The following PITRM1 variants were observed in gnomAD, a reference collection of about 807,000 sequenced individuals.
The protein encoded by PITRM1 is pitrilysin metallopeptidase 1, also known as presequence protease, mitochondrial.
In PITRM1, 100 loss-of-function variants were observed where a neutral mutation model predicts 129.9. The observed-to-expected ratio is 0.77, with a 90% CI of 0.65 to 0.91. The LOEUF is 0.91. Ranked by LOEUF, PITRM1 falls within the 40% of genes least tolerant of loss-of-function variation. The pLI, the probability that PITRM1 is intolerant of heterozygous loss-of-function variation, is 0.00. For synonymous variants in PITRM1, 591 were observed against 508.8 expected (o/e 1.16, Z -2.17); for missense variants, 1,471 against 1,318.3 (o/e 1.12, Z -1.79).
At chr10:3,172,224 C>A (rs1843438516) in intron 1 of PITRM1, 1 of 457,348 alleles carries the variant, frequency 2.2e-6, no homozygotes, top group African/African-American at 2.0e-5. Flanking sequence ...GAACACTAAA[C>A]TGCTTCGTCA....
chr10:3,165,282 A>G lies in PITRM1; in HGVS notation c.586T>C (p.Leu196=). 6.3e-7 allele frequency: 1 copy of G among 1,586,420 alleles called. No individual in the cohort carries two copies. The highest frequency in any genetic ancestry group is 1.8e-5 in the Admixed American group (1 of 55,596). Residue 196 remains leucine, a synonymous_variant, in exon 6 of 27, where the codon TTG becomes CTG. Transcript: ENST00000224949. ...TTAAAGACGACTCCTTTAAAGACCA[A>G]GGGCGTCTGGGGGTCGCTCGGATTC... ...HENPSDPQTP[L]VFKGVVFNEM...
At position 3,166,298 on chromosome 10, in the gene PITRM1, A is replaced by G; in HGVS notation, c.349T>C (p.Tyr117His). 1 of 1,613,394 alleles carries G rather than the reference A, an allele frequency of 6.2e-7. No homozygotes were observed. The highest frequency in any genetic ancestry group is 8.5e-7 in the Non-Finnish European group (1 of 1,179,350). Residue 117 changes from tyrosine (Y) to histidine (H), a missense_variant, in exon 4 of 27, where the codon TAT becomes CAT. Coordinates refer to ENST00000224949, the MANE Select transcript of PITRM1 (RefSeq NM_014889.4). Reference protein sequence around the residue: ...EHTVLCGSQKYPCRDPFFKML... With the variant: ...EHTVLCGSQKHPCRDPFFKML... ...TTGAAGAAAGGGTCTCTGCACGGAT[A>G]TTTCTGAGACCCACAAAGGACGGTA...
intron 13 of PITRM1, 141 bp from the exon 14 acceptor site, chr10:3,155,870 C>T: frequency 2.1e-6 from 2 of 937,582 alleles, no homozygotes; most frequent in Non-Finnish European, 3.1e-6. Context: ...TAGAACGCAC[C>T]TCAAGAGTTG....
chr10:3,148,557 T>C (rs1841163962), intron 16 of PITRM1: 2 of 425,178 alleles, frequency 4.7e-6, no homozygotes, highest in African/African-American at 3.9e-5. Context: ...AGCCAGTGTC[T>C]GCACTTAAAA....
At position 3,165,390 on chromosome 10, in the gene PITRM1, CTAGT is replaced by C. The variant is rs769098034; in HGVS notation, c.533+19_533+22del. 252 of 1,606,090 alleles carry C rather than the reference CTAGT, an allele frequency of 1.6e-4. 1 individual carries two copies. Among genetic ancestry groups the C allele is most frequent in the Middle Eastern group, 1.6e-4 (1 of 6,072 alleles). ...ACTCAAATACTAAAGTCTGTATCAA[CTAGT>C]TAATCATTCATGACATACCAGAAAT... On this transcript the variant is annotated intron_variant, in intron 5 of 26. Coordinates refer to ENST00000224949, the MANE Select transcript of PITRM1 (RefSeq NM_014889.4).
At chr10:3,163,973 T>A in intron 6 of PITRM1, 88 bp from the exon 7 acceptor site, 1 of 844,492 alleles carries the variant, frequency 1.2e-6, no homozygotes. Context: ...TTGATCACAT[T>A]CTGGTGCATA....
intron 21 of PITRM1, 198 bp downstream of exon 21, chr10:3,145,398 G>A: frequency 3.4e-6 from 2 of 589,248 alleles, no homozygotes; most frequent in Non-Finnish European, 6.0e-6. Context: ...CACACCGCAG[G>A]GTCTGAACTC....
At chr10:3,170,783 G>A (rs1843264295) in intron 1 of PITRM1, among the ~76,000 whole-genome samples, 1 of 152,048 alleles carries the variant, frequency 6.6e-6, no homozygotes, top group Admixed American at 6.6e-5. Context: ...ATCACCTGAG[G>A]TCAGGAGTTC....
At chr10:3,157,560 G>C (rs1261107436) in intron 11 of PITRM1, 29 bp from the exon 12 acceptor site, 1 of 1,402,340 alleles carries the variant, frequency 7.1e-7, no homozygotes, top group East Asian at 2.3e-5. Context: ...AACAAAGATG[G>C]GCCAGACACA....
At chr10:3,167,208 T>G (rs1339010391) in intron 2 of PITRM1, among the ~76,000 whole-genome samples, 166 bp from the exon 3 acceptor site, 1 of 152,190 alleles carries the variant, frequency 6.6e-6, no homozygotes, top group Middle Eastern at 3.4e-3. Flanking sequence ...TCCAGGTCCC[T>G]TATCCTACAA....
intron 14 of PITRM1, among the ~76,000 whole-genome samples, chr10:3,152,449 G>C (rs189355564): frequency 2.6e-5 from 4 of 152,204 alleles, no homozygotes. Flanking sequence ...GAAGTTCCCC[G>C]AGAGCGTGCC....
chr10:3,151,318 C>A lies in PITRM1; in HGVS notation c.1667G>T (p.Cys556Phe), dbSNP rs751677509. 1.9e-6 allele frequency: 3 copies of A among 1,611,260 alleles called. No individual in the cohort carries two copies. In the African/African-American group the frequency reaches 4.0e-5, roughly 22 times the overall value. ...ATCGGAAACTTTCAACGCTGGCAGA[C>A]AAGAGGCATCTTGAGGTTTGCTTTG... ...SQQSKPQDAS[C>F]LPALKVSDIE... is the part of the protein sequence containing the mutation. The change falls in exon 15 of 27, where the codon TGT (cysteine) becomes TTT (phenylalanine). Residue 556 changes from cysteine (C) to phenylalanine (F), a missense_variant. By Grantham distance (205) the Cys-to-Phe change is radical. Coordinates refer to ENST00000224949, the MANE Select transcript of PITRM1 (RefSeq NM_014889.4).
rs1840496208 is a variant in PITRM1 at position 3,143,560 on chromosome 10, G to C, written c.2533-59C>G. 7.7e-6 allele frequency: 9 copies of C among 1,175,206 alleles called. No individual in the cohort carries two copies. In the South Asian group the frequency reaches 1.1e-4, roughly 14 times the overall value. The allele number at this position is 1,175,206 out of a possible 1,614,324, so 72.8% of individuals were successfully genotyped here. On this transcript the variant is annotated intron_variant, in intron 22 of 26. Coordinates refer to ENST00000224949, the MANE Select transcript of PITRM1 (RefSeq NM_014889.4). Reference sequence around the variant, plus strand: ...CTGCCATGCACCGCCCACGGCACTGGGACTGGACCCACTCAGGGGTCAGAG... The same window carrying C: ...CTGCCATGCACCGCCCACGGCACTGCGACTGGACCCACTCAGGGGTCAGAG...
chr10:3,156,437 A>C (rs1435928034), intron 13 of PITRM1, among the ~76,000 whole-genome samples: 1 of 152,236 alleles, frequency 6.6e-6, no homozygotes, highest in Non-Finnish European at 1.5e-5. Context: ...CCTACTGGAG[A>C]GTTTCCCTTC....
At chr10:3,166,823 G>A (rs56658860) in intron 3 of PITRM1, 113 bp downstream of exon 3, 103,513 of 593,978 alleles carry the variant, frequency 0.17, 9,638 homozygotes, top group Non-Finnish European at 0.19. Flanking sequence ...TATTTTATGC[G>A]TGGCCTAAGA....
intron 23 of PITRM1, 95 bp downstream of exon 23, chr10:3,143,294 T>A (rs1380051939): frequency 3.9e-6 from 3 of 762,534 alleles, no homozygotes; most frequent in Non-Finnish European, 6.9e-6. Context: ...GCACAGACTT[T>A]TCCTGTGCTA....
chr10:3,138,996 G>A lies in PITRM1; in HGVS notation c.2825C>T (p.Ala942Val), dbSNP rs199538770. The A allele has an allele frequency of 2.8e-4, 456 of 1,613,752 alleles. 2 individuals carry two copies. Among genetic ancestry groups the A allele is most frequent in the Admixed American group, 6.8e-4 (41 of 60,030 alleles). The change falls in exon 25 of 27, where the codon GCT (alanine) becomes GTT (valine). Residue 942 changes from alanine (A) to valine (V), a missense_variant. Physicochemically the swap from Ala to Val is moderately conservative, Grantham distance 64. Coordinates refer to ENST00000224949, the MANE Select transcript of PITRM1 (RefSeq NM_014889.4). ...TTGCTGTGTGAATTTTCCAGACTTA[G>A]CCCAGTCGACAGCCTTCCCAAAAGA... ...LQSFGKAVDW[A>V]KSGKFTQQDI...
chr10:3,159,071 G>GT, intron 9 of PITRM1, 29 bp from the exon 10 acceptor site: 1 of 1,589,332 alleles, frequency 6.3e-7, no homozygotes, highest in Non-Finnish European at 8.6e-7. Flanking sequence ...GAACGGGGAG[G>GT]TAAGAAAAGA....
At position 3,138,965 on chromosome 10, in the gene PITRM1, G is replaced by C. The variant is rs2279219; in HGVS notation, c.2856C>G (p.Ile952Met). The change falls in exon 25 of 27, where the codon ATC (isoleucine) becomes ATG (methionine). Residue 952 changes from isoleucine to methionine, a missense_variant. Ile to Met is a conservative substitution (Grantham distance 10). Coordinates refer to ENST00000224949, the MANE Select transcript of PITRM1 (RefSeq NM_014889.4). ...AGAAGACAGAAAGTTTGGCTTCGTC[G>C]ATGTCTTGCTGTGTGAATTTTCCAG... is the stretch of plus-strand genomic sequence containing the variant. ...AKSGKFTQQD[I>M]DEAKLSVFST... is the part of the protein sequence containing the mutation. 8.2e-3 allele frequency: 13,256 copies of C among 1,613,686 alleles called. 93 individuals carry two copies. Among genetic ancestry groups the C allele is most frequent in the Middle Eastern group, 0.024 (148 of 6,062 alleles).
Sources: allele counts gnomAD v4.1 joint callset (sites outside exome capture counted in the v4.1 genomes callset), GRCh38; gene constraint gnomAD v4.1.1; transcripts MANE v1.5; gene names NCBI Gene and HGNC (gene_info 2026-07-23, HGNC 2026-07-21).